The following PHYHIPL variants were observed in gnomAD, a reference collection of about 807,000 sequenced individuals.
The protein encoded by PHYHIPL is phytanoyl-CoA hydroxylase-interacting protein-like.
Under a neutral mutation model 33.4 loss-of-function variants are expected in PHYHIPL, and 9 were observed. The ratio of observed to expected loss-of-function variants is 0.27; its 90% CI spans 0.16 to 0.47. The LOEUF is 0.47. Ranked by LOEUF, PHYHIPL falls within the 20% of genes least tolerant of loss-of-function variation. PHYHIPL has a pLI of 0.99. For synonymous variants in PHYHIPL, 153 were observed against 154.1 expected (o/e 0.99, Z 0.05); for missense variants, 365 against 460.7 (o/e 0.79, Z 1.90).
intron 1 of PHYHIPL, among the ~76,000 whole-genome samples, chr10:59,208,353 TA>T (rs1839348570): frequency 6.6e-6 from 1 of 152,040 alleles, no homozygotes; most frequent in South Asian, 2.1e-4. Context: ...GAAGGAAAAC[TA>T]ACAAACAGAA....
intron 1 of PHYHIPL, among the ~76,000 whole-genome samples, chr10:59,231,607 G>A (rs1215464816): frequency 1.3e-5 from 2 of 152,052 alleles, no homozygotes; most frequent in Non-Finnish European, 2.9e-5. Context: ...AAGGACACAT[G>A]ATATTGAAGT....
chr10:59,246,983 A>G lies in PHYHIPL; in HGVS notation c.*1392A>G, dbSNP rs1030317096. The G allele has an allele frequency of 1.5e-4, 30 of 206,034 alleles. No homozygotes were observed. The highest frequency in any genetic ancestry group is 6.9e-4 in the African/African-American group (30 of 43,662). 12.8% of individuals were successfully genotyped at this position (206,034 alleles called of 1,614,324 possible). A position where few individuals can be genotyped will look rare whatever the true frequency, so the allele number is the denominator to read the frequency against. The stretch of plus-strand genomic sequence containing the variant: ...ACATGCTATCAGAATGAACTTTGGT[A>G]ACCAGAAATGTAAAATTTCAAATAA... On this transcript the variant is annotated 3_prime_UTR_variant, in exon 5 of 5. Coordinates refer to ENST00000373880, the MANE Select transcript of PHYHIPL (RefSeq NM_032439.4).
chr10:59,245,978 G>A lies in PHYHIPL; in HGVS notation c.*387G>A, dbSNP rs1840664407. ...ATTTTAATCTACTGAACAAATATTGGGATAACTCCAAACCGCATGAAAGGG... is the reference window on the plus strand; with the variant it reads ...ATTTTAATCTACTGAACAAATATTGAGATAACTCCAAACCGCATGAAAGGG... On this transcript the variant is annotated 3_prime_UTR_variant, in exon 5 of 5. Coordinates refer to ENST00000373880, the MANE Select transcript of PHYHIPL (RefSeq NM_032439.4). The A allele has an allele frequency of 6.1e-6, 1 of 164,708 alleles. No individual in the cohort carries two copies. Among genetic ancestry groups the A allele is most frequent in the Non-Finnish European group, 1.3e-5 (1 of 75,924 alleles). 10.2% of individuals were successfully genotyped at this position (164,708 alleles called of 1,614,324 possible). A position where few individuals can be genotyped will look rare whatever the true frequency, so the allele number is the denominator to read the frequency against.
At chr10:59,214,519 TG>T (rs1365215181) in intron 1 of PHYHIPL, among the ~76,000 whole-genome samples, 2 of 152,060 alleles carry the variant, frequency 1.3e-5, no homozygotes, top group African/African-American at 4.8e-5. Flanking sequence ...GTTATGTTGA[TG>T]GTGTTATTTT....
At chr10:59,184,970 G>C (rs2133185615) in intron 1 of PHYHIPL, among the ~76,000 whole-genome samples, 1 of 150,890 alleles carries the variant, frequency 6.6e-6, no homozygotes, top group South Asian at 2.1e-4. Context: ...GCCTACAAAG[G>C]ACATGAACTC....
chr10:59,187,302 C>T (rs1838637195), intron 1 of PHYHIPL, among the ~76,000 whole-genome samples: 1 of 152,160 alleles, frequency 6.6e-6, no homozygotes, highest in Non-Finnish European at 1.5e-5. Flanking sequence ...CCTTGCATCC[C>T]AGGGATGAAG....
upstream of PHYHIPL, among the ~76,000 whole-genome samples, chr10:59,175,074 C>T (rs144606979): frequency 3.6e-3 from 554 of 152,270 alleles, 11 homozygotes; most frequent in African/African-American, 0.012. Context: ...GTTGGGCTTA[C>T]AATACCAATT....
rs1293019715 is a variant in PHYHIPL at position 59,245,097 on chromosome 10, A to C, written c.637A>C (p.Asn213His). ...GNAMQPSVKD[N>H]SGSHGSPISG... ...TGCTATGCAGCCATCTGTCAAGGAT[A>C]ACAGTGGTAGCCATGGCTCTCCTAT... The change falls in exon 5 of 5, where the codon AAC becomes CAC. Residue 213 changes from asparagine (N) to histidine (H), a missense_variant. By Grantham distance (68) the Asn-to-His change is moderately conservative. Transcript: ENST00000373880. 4 of 1,613,582 alleles carry C rather than the reference A, an allele frequency of 2.5e-6. No homozygotes were observed. In the Admixed American group the frequency reaches 6.7e-5, roughly 27 times the overall value.
intron 1 of PHYHIPL, among the ~76,000 whole-genome samples, chr10:59,208,975 A>C (rs1351112862): frequency 6.6e-6 from 1 of 152,198 alleles, no homozygotes; most frequent in Non-Finnish European, 1.5e-5. Flanking sequence ...AGTGACAGGG[A>C]GAATGGAACC....
intron 1 of PHYHIPL, among the ~76,000 whole-genome samples, chr10:59,214,123 A>G (rs568489431): frequency 2.0e-5 from 3 of 152,290 alleles, no homozygotes; most frequent in Admixed American, 1.3e-4. Flanking sequence ...ATGAATTTCT[A>G]TTCCATACTA....
In PHYHIPL at chr10:59,247,472, G is replaced by T; in HGVS notation, c.*1881G>T. ...CTTCTCCTTGTATATAATTAAACTT[G>T]CTATTCCTTCTTAAAAACAGCTAAT... is the stretch of plus-strand genomic sequence containing the variant. On this transcript the variant is annotated 3_prime_UTR_variant, in exon 5 of 5. Transcript: ENST00000373880. 1.0e-6 allele frequency: 1 copy of T among 962,056 alleles called. No homozygotes were observed. The highest frequency in any genetic ancestry group is 1.6e-6 in the Non-Finnish European group (1 of 625,900). 59.6% of individuals were successfully genotyped at this position (962,056 alleles called of 1,614,324 possible). A position where few individuals can be genotyped will look rare whatever the true frequency, so the allele number is the denominator to read the frequency against.
chr10:59,202,936 T>C (rs915894508), intron 1 of PHYHIPL, among the ~76,000 whole-genome samples: 1 of 152,152 alleles, frequency 6.6e-6, no homozygotes, highest in Non-Finnish European at 1.5e-5. Context: ...ACATAATAAT[T>C]TAGAAGGTCG....
At chr10:59,241,652 C>T (rs1840400728) in intron 4 of PHYHIPL, among the ~76,000 whole-genome samples, 1 of 152,064 alleles carries the variant, frequency 6.6e-6, no homozygotes, top group Admixed American at 6.6e-5. Flanking sequence ...TGTAATTGCA[C>T]TTATAGATCC....
At chr10:59,218,001 T>C (rs2393529) in intron 1 of PHYHIPL, among the ~76,000 whole-genome samples, 1 of 152,130 alleles carries the variant, frequency 6.6e-6, no homozygotes, top group Non-Finnish European at 1.5e-5. Context: ...ATTTCTAACG[T>C]TAATAATATA....
chr10:59,221,564 G>A (rs147651664), intron 1 of PHYHIPL: 222 of 421,874 alleles, frequency 5.3e-4, no homozygotes, highest in African/African-American at 4.3e-3. Flanking sequence ...ATTTAACACT[G>A]GATATGGCTA....
intron 1 of PHYHIPL, among the ~76,000 whole-genome samples, chr10:59,228,032 C>T (rs557501343): frequency 2.7e-5 from 4 of 145,648 alleles, no homozygotes; most frequent in South Asian, 2.2e-4. Context: ...GCAAAAAATG[C>T]GCACCCTAAA....
chr10:59,183,432 T>C (rs1236814272), intron 1 of PHYHIPL, among the ~76,000 whole-genome samples: 2 of 152,158 alleles, frequency 1.3e-5, no homozygotes, highest in Non-Finnish European at 2.9e-5. Context: ...AAAAGAGTTC[T>C]AGAATGGGGA....
chr10:59,194,078 AT>A (rs1838846901), intron 1 of PHYHIPL, among the ~76,000 whole-genome samples: 2 of 126,522 alleles, frequency 1.6e-5, no homozygotes, highest in Admixed American at 1.6e-4. Context: ...CTTTACCTAT[AT>A]GTTTTTTTTT....
In PHYHIPL at chr10:59,183,057, A is replaced by T. The variant is rs1048356028; in HGVS notation, c.106+6098A>T. On this transcript the variant is annotated intron_variant, in intron 1 of 4. Coordinates refer to ENST00000373880, the MANE Select transcript of PHYHIPL (RefSeq NM_032439.4). ...TCTCTCTCATAGATATTGTTTTACC[A>T]GGATGATATTATATATACTGCTTTG... Among the ~76,000 whole-genome samples, 2 of 152,178 alleles carry T rather than the reference A, an allele frequency of 1.3e-5. 1 individual carries two copies. Among genetic ancestry groups the T allele is most frequent in the African/African-American group, 4.8e-5 (2 of 41,458 alleles).
Sources: gnomAD v4.1 joint callset for allele counts (sites outside exome capture counted in the v4.1 genomes callset) on GRCh38, gnomAD v4.1.1 for gene constraint, MANE v1.5 for transcripts, NCBI Gene and HGNC (gene_info 2026-07-23, HGNC 2026-07-21) for gene names.